The following MSRA variants were observed in gnomAD, a reference collection of about 807,000 sequenced individuals.
The protein encoded by MSRA is methionine sulfoxide reductase A.
MSRA carries 54 observed loss-of-function variants against 31.3 expected under a neutral mutation model. That is an observed-to-expected ratio of 1.73 (90% CI 1.39 to 2.17). MSRA has a LOEUF of 2.17. Among genes scored for constraint, MSRA ranks in the 30% most tolerant of loss-of-function variants. The pLI is 0.00. For synonymous variants in MSRA, 169 were observed against 116.5 expected, an observed-to-expected ratio of 1.45 and a Z score of -2.90; for missense variants, 507 against 300.9, an observed-to-expected ratio of 1.69 and a Z score of -5.07.
At chr8:10,370,306 C>T (rs1805404626) in intron 5 of MSRA, among the ~76,000 whole-genome samples, 1 of 152,196 alleles carries the variant, frequency 6.6e-6, no homozygotes, top group Non-Finnish European at 1.5e-5. Context: ...TTATTCCATG[C>T]TTCTCCCACT....
chr8:10,129,123 A>G (rs570383417), intron 1 of MSRA, among the ~76,000 whole-genome samples: 51 of 152,194 alleles, frequency 3.4e-4, no homozygotes, highest in Non-Finnish European at 6.9e-4. Flanking sequence ...CATCCAGAAT[A>G]TCTTATGCCT....
At chr8:10,144,849 A>T (rs1375072427) in intron 1 of MSRA, among the ~76,000 whole-genome samples, 1 of 151,924 alleles carries the variant, frequency 6.6e-6, no homozygotes, top group African/African-American at 2.4e-5. Flanking sequence ...TTCTCTGTTA[A>T]CTCTGTGCCT....
At chr8:10,285,420 A>G (rs1799880832) in intron 3 of MSRA, among the ~76,000 whole-genome samples, 1 of 152,208 alleles carries the variant, frequency 6.6e-6, no homozygotes, top group Non-Finnish European at 1.5e-5. Flanking sequence ...CCATACATGT[A>G]TACAATGTGT....
chr8:10,373,014 C>A (rs1805563641), intron 5 of MSRA, among the ~76,000 whole-genome samples: 1 of 152,216 alleles, frequency 6.6e-6, no homozygotes, highest in African/African-American at 2.4e-5. Context: ...CTCAGCCTCC[C>A]AAGTAGCTGG....
intron 5 of MSRA, among the ~76,000 whole-genome samples, chr8:10,351,919 C>A (rs1381885166): frequency 6.6e-6 from 1 of 152,220 alleles, no homozygotes. Context: ...TGTCCGACGG[C>A]CACATTTAAT....
chr8:10,147,415 A>G (rs961473841), intron 1 of MSRA, among the ~76,000 whole-genome samples: 13 of 152,150 alleles, frequency 8.5e-5, no homozygotes, highest in African/African-American at 3.1e-4. Flanking sequence ...CGTAGGCCTC[A>G]CCACCTCTGT....
chr8:10,176,435 T>G (rs1806057841), intron 1 of MSRA, among the ~76,000 whole-genome samples: 1 of 152,178 alleles, frequency 6.6e-6, no homozygotes, highest in African/African-American at 2.4e-5. Context: ...GTGGACTTTG[T>G]GTGGTGCCAG....
At chr8:10,341,878 G>A (rs1803448859) in intron 5 of MSRA, among the ~76,000 whole-genome samples, 2 of 152,224 alleles carry the variant, frequency 1.3e-5, no homozygotes, top group African/African-American at 4.8e-5. Flanking sequence ...TGATGAGGAA[G>A]GCATGGCTCG....
intron 3 of MSRA, among the ~76,000 whole-genome samples, chr8:10,284,243 C>T (rs1203928272): frequency 2.0e-5 from 3 of 152,106 alleles, no homozygotes; most frequent in Admixed American, 6.6e-5. Flanking sequence ...GGATGGAGTG[C>T]AATGGCACAA....
chr8:10,115,872 A>C (rs74437482), intron 1 of MSRA, among the ~76,000 whole-genome samples: 3,121 of 152,334 alleles, frequency 0.02, 100 homozygotes, highest in African/African-American at 0.072. Context: ...AAAACACACA[A>C]AAATGTAAAC....
chr8:10,306,438 G>A (rs1295433582), intron 4 of MSRA, among the ~76,000 whole-genome samples: 1 of 151,982 alleles, frequency 6.6e-6, no homozygotes, highest in Non-Finnish European at 1.5e-5. Context: ...TGTTGCCCTT[G>A]ATTCTTTGTC....
intron 1 of MSRA, among the ~76,000 whole-genome samples, chr8:10,155,230 T>G (rs543086510): frequency 3.7e-4 from 57 of 152,190 alleles, no homozygotes; most frequent in South Asian, 8.3e-4. Context: ...CTGAAACTAT[T>G]TTGTGTTTAT....
At position 10,428,353 on chromosome 8, in the gene MSRA, T is replaced by A; in HGVS notation, c.*41T>A. On this transcript the variant is annotated 3_prime_UTR_variant, in exon 6 of 6. Coordinates refer to ENST00000317173, the MANE Select transcript of MSRA (RefSeq NM_012331.5). ...TGGGCCTTTGAGGTTCCAGTAAAAATGCTTTCAACAAATTGGGCAATGCTT... is the reference window on the plus strand; with the variant it reads ...TGGGCCTTTGAGGTTCCAGTAAAAAAGCTTTCAACAAATTGGGCAATGCTT... 3.7e-6 allele frequency: 6 copies of A among 1,600,172 alleles called. No individual in the cohort carries two copies. Among genetic ancestry groups the A allele is most frequent in the Non-Finnish European group, 5.1e-6 (6 of 1,172,414 alleles).
chr8:10,125,240 C>A (rs559261948), intron 1 of MSRA, among the ~76,000 whole-genome samples: 77 of 152,324 alleles, frequency 5.1e-4, no homozygotes, highest in African/African-American at 1.8e-3. Flanking sequence ...AAGACATGTA[C>A]TCTCTGCTTC....
At chr8:10,361,511 C>T (rs562773943) in intron 5 of MSRA, among the ~76,000 whole-genome samples, 63 of 152,268 alleles carry the variant, frequency 4.1e-4, no homozygotes, top group African/African-American at 1.3e-3. Flanking sequence ...AAGACTCATA[C>T]GTCCTGGGTT....
chr8:10,250,334 A>G (rs1797849854), intron 3 of MSRA: 2 of 680,538 alleles, frequency 2.9e-6, no homozygotes, highest in African/African-American at 3.5e-5. Context: ...ATTTCAGTGC[A>G]TTAGCCTAAT....
chr8:10,204,440 C>T (rs1012324981), intron 1 of MSRA, among the ~76,000 whole-genome samples: 2 of 152,126 alleles, frequency 1.3e-5, no homozygotes, highest in Non-Finnish European at 2.9e-5. Context: ...ATCTTTTATA[C>T]TGTATTTTTA....
chr8:10,175,683 T>G (rs568624063), intron 1 of MSRA, among the ~76,000 whole-genome samples: 1 of 152,332 alleles, frequency 6.6e-6, no homozygotes, highest in African/African-American at 2.4e-5. Flanking sequence ...CCTGACTTAT[T>G]TAAGCTTTTC....
chr8:10,062,134 C>T (rs577507548), intron 1 of MSRA, among the ~76,000 whole-genome samples: 19 of 152,202 alleles, frequency 1.2e-4, no homozygotes. Context: ...GAGTGGAAGC[C>T]TCTTTGCTAA....
Sources: gnomAD v4.1 joint callset for allele counts (sites outside exome capture counted in the v4.1 genomes callset) on GRCh38, gnomAD v4.1.1 for gene constraint, MANE v1.5 for transcripts, NCBI Gene and HGNC (gene_info 2026-07-23, HGNC 2026-07-21) for gene names.